SPINK14: variants seen among roughly 807,000 people sequenced by gnomAD.
SPINK14 encodes serine peptidase inhibitor Kazal type 14 (putative).
Under a neutral mutation model 14.2 loss-of-function variants are expected in SPINK14, and 6 were observed. The observed-to-expected ratio is 0.42, with a 90% CI of 0.23 to 0.83. SPINK14 has a LOEUF of 0.83. Among genes scored for constraint, SPINK14 ranks in the 40% least tolerant of loss-of-function variants. The probability of loss-of-function intolerance (pLI) is 0.28; values close to 1 mark genes in which losing one functional copy is unlikely to be tolerated. For synonymous variants in SPINK14, 34 were observed against 36.8 expected (o/e 0.92, Z 0.27); for missense variants, 86 against 108.3 (o/e 0.79, Z 0.91).
intron 3 of SPINK14, among the ~76,000 whole-genome samples, chr5:148,171,799 T>C (rs185340499): frequency 2.0e-5 from 3 of 152,264 alleles, no homozygotes; most frequent in East Asian, 1.9e-4. Flanking sequence ...CAGAGGCTAC[T>C]GCCCCAGAAA....
intron 3 of SPINK14, among the ~76,000 whole-genome samples, chr5:148,171,627 T>G (rs1363200366): frequency 6.6e-6 from 1 of 152,170 alleles, no homozygotes; most frequent in East Asian, 1.9e-4. Flanking sequence ...ACTGTATTCC[T>G]TCCCTTTAGA....
chr5:148,169,588 G>C (rs1755073465), intron 1 of SPINK14, 73 bp from the exon 2 acceptor site: 1 of 579,504 alleles, frequency 1.7e-6, no homozygotes, highest in African/African-American at 1.9e-5. Flanking sequence ...ATAGTACTGA[G>C]GATACAATGG....
intron 1 of SPINK14, among the ~76,000 whole-genome samples, 118 bp downstream of exon 1, chr5:148,168,685 A>C (rs1023909525): frequency 6.6e-6 from 1 of 152,020 alleles, no homozygotes; most frequent in Non-Finnish European, 1.5e-5. Flanking sequence ...GCCAGGGAAA[A>C]TATCAGGATG....
At chr5:148,170,823 G>A in intron 2 of SPINK14, 107 bp from the exon 3 acceptor site, 1 of 934,640 alleles carries the variant, frequency 1.1e-6, no homozygotes, top group South Asian at 1.5e-5. Flanking sequence ...GTTTTCCATT[G>A]CTGAAAACTT....
chr5:148,171,007 C>A, intron 3 of SPINK14, 34 bp downstream of exon 3: 2 of 1,592,770 alleles, frequency 1.3e-6, no homozygotes, highest in African/African-American at 1.3e-5. Context: ...CCAGGACTTA[C>A]ATTATAATAT....
At chr5:148,170,100 CATGTATATATATACTCTGAGTATACTCA>C (rs1755082404) in intron 2 of SPINK14, among the ~76,000 whole-genome samples, 1 of 145,318 alleles carries the variant, frequency 6.9e-6, no homozygotes, top group Admixed American at 7.0e-5. Flanking sequence ...TATACACACA[CATGTATATATATACTCTGAGTATACTCA>C]GAGTATATAT....
intron 2 of SPINK14, among the ~76,000 whole-genome samples, chr5:148,170,517 A>G (rs1308902244): frequency 1.3e-5 from 2 of 152,104 alleles, no homozygotes; most frequent in Non-Finnish European, 2.9e-5. Flanking sequence ...GCTTTTTCAC[A>G]TATCTACCAA....
rs780679195 is a variant in SPINK14, at chr5:148,174,192, A to C, written c.112-42A>C. On this transcript the variant is annotated intron_variant, in intron 3 of 4. Transcript: ENST00000356972. ...AGTTCAAAGGTGACCTACCTGTCTAAGTGGGATTCTAACTGGATAAATCTT... is the reference window on the plus strand; with the variant it reads ...AGTTCAAAGGTGACCTACCTGTCTACGTGGGATTCTAACTGGATAAATCTT... The C allele has an allele frequency of 1.2e-5, 13 of 1,069,808 alleles. 3 individuals carry two copies. The highest frequency in any genetic ancestry group is 6.2e-5 in the Admixed American group (3 of 48,702). The allele number at this position is 1,069,808 out of a possible 1,614,324, so 66.3% of individuals were successfully genotyped here. A position where few individuals can be genotyped will look rare whatever the true frequency, so the allele number is the denominator to read the frequency against.
intron 2 of SPINK14, 75 bp from the exon 3 acceptor site, chr5:148,170,855 C>T (rs988890990): frequency 2.7e-5 from 35 of 1,293,646 alleles, no homozygotes; most frequent in African/African-American, 1.3e-4. Flanking sequence ...AATTAGAACT[C>T]GTTTATTCTG....
chr5:148,171,099 C>T (rs551390693), intron 3 of SPINK14, 126 bp downstream of exon 3: 71 of 849,172 alleles, frequency 8.4e-5, no homozygotes, highest in East Asian at 3.1e-4. Context: ...CCTATTTGTA[C>T]GAGGGTGGTG....
At chr5:148,170,213 T>G (rs7727495) in intron 2 of SPINK14, among the ~76,000 whole-genome samples, 64,441 of 143,076 alleles carry the variant, frequency 0.45, 14,780 homozygotes, top group Middle Eastern at 0.59. Context: ...TATATATATA[T>G]AGAGAGAGAG....
rs1371103107 is a variant in SPINK14, at chr5:148,175,142, A to G, written c.249-211A>G. Among the ~76,000 whole-genome samples the G allele has an allele frequency of 8.2e-5, 6 of 73,226 alleles. 2 individuals carry two copies. Among genetic ancestry groups the G allele is most frequent in the Non-Finnish European group, 1.8e-4 (6 of 33,812 alleles). The allele number at this position is 73,226 out of a possible 152,430, so 48.0% of individuals were successfully genotyped here. A position where few individuals can be genotyped will look rare whatever the true frequency, so the allele number is the denominator to read the frequency against. On this transcript the variant is annotated intron_variant, in intron 4 of 4. Coordinates refer to ENST00000356972, the MANE Select transcript of SPINK14 (RefSeq NM_001001325.2). ...TCAAAAAGACTGTAGCATGTCTCAT[A>G]ATATCTCCAGTGGCATCTTAGAATC... is the stretch of plus-strand genomic sequence containing the variant.
In SPINK14 at chr5:148,170,173, T is replaced by TATACACACAC. The variant is rs1554109827; in HGVS notation, c.67+375_67+376insTACACACACA. ...CATACTCAGAGTATATATATATATA[T>TATACACACAC]ACACACACACACACACACACACATA... On this transcript the variant is annotated intron_variant, in intron 2 of 4. Transcript: ENST00000356972. Among the ~76,000 whole-genome samples the TATACACACAC allele has an allele frequency of 5.0e-3, 673 of 133,798 alleles. 7 individuals are homozygous for TATACACACAC. Among genetic ancestry groups the TATACACACAC allele is most frequent in the African/African-American group, 0.019 (642 of 33,962 alleles). The allele number at this position is 133,798 out of a possible 152,430, so 87.8% of individuals were successfully genotyped here.
intron 1 of SPINK14, among the ~76,000 whole-genome samples, chr5:148,169,373 T>G (rs1440012421): frequency 6.6e-6 from 1 of 152,112 alleles, no homozygotes; most frequent in African/African-American, 2.4e-5. Flanking sequence ...AGGTGAAGCT[T>G]CAGGTAAGGA....
intron 2 of SPINK14, among the ~76,000 whole-genome samples, chr5:148,170,163 T>C (rs1342925300): frequency 9.5e-6 from 1 of 105,428 alleles, no homozygotes; most frequent in Non-Finnish European, 2.1e-5. Context: ...TCAGAGTATA[T>C]ATATATATAT....
intron 1 of SPINK14, among the ~76,000 whole-genome samples, chr5:148,169,070 C>T (rs1165867559): frequency 6.6e-6 from 1 of 152,100 alleles, no homozygotes; most frequent in Admixed American, 6.6e-5. Flanking sequence ...AGGATTTGCT[C>T]TCTGACTTTT....
In SPINK14 at chr5:148,175,505, G is replaced by C; in HGVS notation, c.*107G>C. The stretch of plus-strand genomic sequence containing the variant: ...CCTTGCATTTGTTCTTCATGACAAA[G>C]AGCTATCACTACTGAGCTTGTAGCA... On this transcript the variant is annotated 3_prime_UTR_variant, in exon 5 of 5. Coordinates refer to ENST00000356972, the MANE Select transcript of SPINK14 (RefSeq NM_001001325.2). 3 of 847,476 alleles carry C rather than the reference G, an allele frequency of 3.5e-6. No homozygotes were observed. Among genetic ancestry groups the C allele is most frequent in the Non-Finnish European group, 5.8e-6 (3 of 519,576 alleles). 52.5% of individuals were successfully genotyped at this position (847,476 alleles called of 1,614,324 possible).
intron 1 of SPINK14, among the ~76,000 whole-genome samples, chr5:148,169,082 C>T (rs536962594): frequency 3.3e-5 from 5 of 152,180 alleles, no homozygotes; most frequent in Admixed American, 2.6e-4. Context: ...CTGACTTTTC[C>T]CTTTCTGTGT....
intron 1 of SPINK14, among the ~76,000 whole-genome samples, chr5:148,168,952 T>C (rs1314718113): frequency 6.6e-6 from 1 of 152,080 alleles, no homozygotes; most frequent in African/African-American, 2.4e-5. Context: ...TTTTCTAGAA[T>C]TAGGAATGGA....
Sources: gnomAD v4.1 joint callset for allele counts (sites outside exome capture counted in the v4.1 genomes callset) on GRCh38, gnomAD v4.1.1 for gene constraint, MANE v1.5 for transcripts, NCBI Gene and HGNC (gene_info 2026-07-23, HGNC 2026-07-21) for gene names.